SUPT3H: variants seen among roughly 807,000 people sequenced by gnomAD.
SUPT3H encodes the protein transcription initiation protein SPT3 homolog.
SUPT3H carries 44 observed loss-of-function variants against 44.3 expected under a neutral mutation model. The ratio of observed to expected loss-of-function variants is 0.99; its 90% CI spans 0.78 to 1.28. The LOEUF (loss-of-function observed/expected upper bound fraction) is 1.28, where lower values mean the gene tolerates loss of function less well. Among genes scored for constraint, SUPT3H ranks in the 50% most tolerant of loss-of-function variants. The pLI, the probability that SUPT3H is intolerant of heterozygous loss-of-function variation, is 0.00. For synonymous variants in SUPT3H, 124 were observed against 125.6 expected, an observed-to-expected ratio of 0.99 and a Z score of 0.09; for missense variants, 380 against 387.1, an observed-to-expected ratio of 0.98 and a Z score of 0.15.
intron 10 of SUPT3H, among the ~76,000 whole-genome samples, chr6:44,905,149 C>T (rs1765785977): frequency 6.6e-6 from 1 of 152,056 alleles, no homozygotes; most frequent in Non-Finnish European, 1.5e-5. Flanking sequence ...GCAATGGCAA[C>T]AGAAGCCAAA....
chr6:45,129,723 G>A (rs1803116204), intron 2 of SUPT3H, among the ~76,000 whole-genome samples: 1 of 151,712 alleles, frequency 6.6e-6, no homozygotes, highest in Non-Finnish European at 1.5e-5. Flanking sequence ...AATCAATATC[G>A]TATGCCAGAA....
intron 10 of SUPT3H, among the ~76,000 whole-genome samples, chr6:44,928,306 T>C (rs1008868621): frequency 1.3e-5 from 2 of 152,268 alleles, no homozygotes; most frequent in African/African-American, 4.8e-5. Context: ...CTGCAGATCA[T>C]AGAATCTGAA....
intron 7 of SUPT3H, among the ~76,000 whole-genome samples, chr6:44,958,102 C>T (rs1013112140): frequency 6.6e-6 from 1 of 152,124 alleles, no homozygotes; most frequent in Non-Finnish European, 1.5e-5. Context: ...GAAACGATAA[C>T]CTGGAAATTG....
intron 2 of SUPT3H, among the ~76,000 whole-genome samples, chr6:45,295,524 CAAAAAAA>C (rs752887669): frequency 1.2e-3 from 48 of 40,086 alleles, no homozygotes; most frequent in South Asian, 3.1e-3. Context: ...TTTTGCACAG[CAAAAAAA>C]AAAAAAAAAA....
intron 10 of SUPT3H, among the ~76,000 whole-genome samples, chr6:44,902,219 A>C (rs28843161): frequency 0.12 from 17,881 of 152,208 alleles, 1,242 homozygotes; most frequent in African/African-American, 0.19. Flanking sequence ...ATTAAAAGAC[A>C]CAGACTGGCA....
intron 2 of SUPT3H, among the ~76,000 whole-genome samples, chr6:45,283,158 T>C (rs1383953653): frequency 1.3e-5 from 2 of 152,098 alleles, no homozygotes; most frequent in Non-Finnish European, 2.9e-5. Context: ...CCATCGAGGC[T>C]AGGAAAAAAC....
chr6:45,109,097 C>T (rs1799693556), intron 2 of SUPT3H, among the ~76,000 whole-genome samples: 2 of 152,062 alleles, frequency 1.3e-5, no homozygotes, highest in African/African-American at 4.8e-5. Flanking sequence ...ATAGTCAAAA[C>T]ACTTTTGAAG....
chr6:45,064,344 G>A (rs1451757927), intron 3 of SUPT3H, among the ~76,000 whole-genome samples: 48 of 146,434 alleles, frequency 3.3e-4, no homozygotes, highest in East Asian at 2.0e-3. Flanking sequence ...GGTACCAGCC[G>A]CTGCAAAATC....
At chr6:44,880,472 G>A (rs1209858155) in intron 10 of SUPT3H, among the ~76,000 whole-genome samples, 1 of 152,072 alleles carries the variant, frequency 6.6e-6, no homozygotes, top group Admixed American at 6.6e-5. Context: ...TGAAAGTGAC[G>A]GGGAGAATGG....
chr6:44,878,594 G>A (rs932676740), intron 10 of SUPT3H, among the ~76,000 whole-genome samples: 8 of 152,138 alleles, frequency 5.3e-5, no homozygotes, highest in Non-Finnish European at 1.2e-4. Flanking sequence ...ATTGCTCGTA[G>A]TAATATAAAA....
intron 6 of SUPT3H, among the ~76,000 whole-genome samples, chr6:44,966,354 A>G (rs558324689): frequency 6.6e-6 from 1 of 151,470 alleles, no homozygotes; most frequent in Admixed American, 6.6e-5. Context: ...TTATTTTTAA[A>G]ATGAAACTAA....
intron 10 of SUPT3H, among the ~76,000 whole-genome samples, chr6:44,857,863 T>C (rs973575323): frequency 6.6e-6 from 1 of 152,170 alleles, no homozygotes; most frequent in Non-Finnish European, 1.5e-5. Flanking sequence ...CCTGTTGATA[T>C]ATGGGGTAAT....
At chr6:45,061,700 T>C (rs897118271) in intron 3 of SUPT3H, among the ~76,000 whole-genome samples, 2 of 144,508 alleles carry the variant, frequency 1.4e-5, no homozygotes, top group African/African-American at 5.2e-5. Flanking sequence ...TATAAGCTTT[T>C]GCAATATGTG....
intron 2 of SUPT3H, among the ~76,000 whole-genome samples, chr6:45,219,399 A>AAAAATAGAGAAAAGACAC (rs1214782337): frequency 1.2e-4 from 18 of 152,226 alleles, no homozygotes; most frequent in African/African-American, 4.3e-4. Context: ...AAAAACTAAC[A>AAAAATAGAGAAAAGACAC]AAAATAGAGA....
At position 44,957,689 on chromosome 6, in the gene SUPT3H, G is replaced by A. The variant is rs115778690; in HGVS notation, c.581-3082C>T. ...TAACCACCGAGAATGCAGGGACAAG[G>A]ACCATATATCTCCAACTGTATCCCT... On this transcript the variant is annotated intron_variant, in intron 7 of 10. Transcript: ENST00000371459. Among the ~76,000 whole-genome samples the A allele has an allele frequency of 8.3e-3, 1,265 of 151,870 alleles. 5 individuals carry two copies. The highest frequency in any genetic ancestry group is 0.014 in the Middle Eastern group (4 of 292).
intron 11 of SUPT3H, among the ~76,000 whole-genome samples, chr6:44,817,756 T>A (rs145730811): frequency 1.3e-5 from 2 of 152,160 alleles, no homozygotes; most frequent in African/African-American, 4.8e-5. Flanking sequence ...CCATGAAATA[T>A]CCATGCACGA....
chr6:45,244,072 C>G (rs1003519031), intron 2 of SUPT3H, among the ~76,000 whole-genome samples: 1 of 152,032 alleles, frequency 6.6e-6, no homozygotes, highest in African/African-American at 2.4e-5. Context: ...TTTGTAGAGA[C>G]AGGGTCTCAC....
At chr6:45,188,514 G>A (rs1337675967) in intron 2 of SUPT3H, among the ~76,000 whole-genome samples, 4 of 152,104 alleles carry the variant, frequency 2.6e-5, no homozygotes, top group Non-Finnish European at 5.9e-5. Flanking sequence ...ACTATTTGTG[G>A]TTTAATGCAT....
At chr6:45,222,232 A>G (rs906419313) in intron 2 of SUPT3H, among the ~76,000 whole-genome samples, 2 of 152,210 alleles carry the variant, frequency 1.3e-5, no homozygotes, top group Admixed American at 6.5e-5. Context: ...GATCCCTAAC[A>G]TTAGATACAT....
Sources: gnomAD v4.1 joint callset for allele counts (sites outside exome capture counted in the v4.1 genomes callset) on GRCh38, gnomAD v4.1.1 for gene constraint, MANE v1.5 for transcripts, NCBI Gene and HGNC (gene_info 2026-07-23, HGNC 2026-07-21) for gene names.